MYO1B: variants seen among roughly 807,000 people sequenced by gnomAD.
MYO1B encodes the protein myosin IB, also known as unconventional myosin-Ib.
In MYO1B, 72 loss-of-function variants were observed where a neutral mutation model predicts 159.7. The ratio of observed to expected loss-of-function variants is 0.45; its 90% CI spans 0.37 to 0.55. MYO1B has a LOEUF of 0.55. MYO1B is among the 20% of genes least tolerant of loss of function. The pLI is 0.00. For missense variants in MYO1B, 1,062 were observed against 1,364.8 expected, an observed-to-expected ratio of 0.78 and a Z score of 3.50; for synonymous variants, 468 against 473.8, an observed-to-expected ratio of 0.99 and a Z score of 0.16.
chr2:191,320,443 T>C (rs1243624230), intron 3 of MYO1B, among the ~76,000 whole-genome samples: 6 of 152,162 alleles, frequency 3.9e-5, no homozygotes. Flanking sequence ...ATTTTTATTA[T>C]TTTGCCAATT....
intron 11 of MYO1B, among the ~76,000 whole-genome samples, chr2:191,369,275 C>A (rs1694211809): frequency 6.6e-6 from 1 of 152,080 alleles, no homozygotes; most frequent in Non-Finnish European, 1.5e-5. Context: ...TTTCTCTGTT[C>A]CATAAAATTG....
intron 1 of MYO1B, chr2:191,245,947 C>T (rs1012644662): frequency 2.6e-5 from 4 of 152,310 alleles, no homozygotes; most frequent in African/African-American, 9.7e-5. Context: ...CTCGGCTGTC[C>T]TCGTGTTCAC....
At chr2:191,328,634 GA>G (rs1183972609) in intron 3 of MYO1B, among the ~76,000 whole-genome samples, 9 of 152,298 alleles carry the variant, frequency 5.9e-5, no homozygotes, top group African/African-American at 1.9e-4. Context: ...ATCCTGCACT[GA>G]AGCTTCCTAT....
intron 19 of MYO1B, among the ~76,000 whole-genome samples, chr2:191,392,443 A>T (rs1351500668): frequency 6.6e-6 from 1 of 152,200 alleles, no homozygotes; most frequent in African/African-American, 2.4e-5. Flanking sequence ...CACTTAAGAA[A>T]TCACAAAGAA....
At chr2:191,347,179 G>A (rs2125974874) in intron 6 of MYO1B, among the ~76,000 whole-genome samples, 1 of 152,238 alleles carries the variant, frequency 6.6e-6, no homozygotes, top group Middle Eastern at 3.4e-3. Context: ...GATCCCGTTT[G>A]GCTCTTTCCT....
intron 1 of MYO1B, among the ~76,000 whole-genome samples, chr2:191,254,511 CT>C (rs762341201): frequency 1.9e-3 from 269 of 144,166 alleles, no homozygotes; most frequent in Middle Eastern, 7.2e-3. Flanking sequence ...CGCCCGGCCT[CT>C]TTTTTTTTTT....
chr2:191,398,915 G>A (rs1378387113), intron 21 of MYO1B, among the ~76,000 whole-genome samples: 2 of 152,212 alleles, frequency 1.3e-5, no homozygotes, highest in East Asian at 1.9e-4. Context: ...CAAGGCAGGC[G>A]GCTGGGAGGT....
intron 4 of MYO1B, among the ~76,000 whole-genome samples, chr2:191,336,694 C>T (rs1195687008): frequency 6.6e-6 from 1 of 152,144 alleles, no homozygotes; most frequent in Non-Finnish European, 1.5e-5. Flanking sequence ...TTTTGCAGCA[C>T]AGTAGACTCC....
At chr2:191,397,294 C>T (rs1232119677) in intron 21 of MYO1B, among the ~76,000 whole-genome samples, 4 of 147,910 alleles carry the variant, frequency 2.7e-5, no homozygotes, top group Non-Finnish European at 4.5e-5. Flanking sequence ...AGCAGATAAA[C>T]AAGTGAACAA....
chr2:191,361,494 G>A (rs1287940432), intron 8 of MYO1B, among the ~76,000 whole-genome samples: 1 of 151,886 alleles, frequency 6.6e-6, no homozygotes, highest in Non-Finnish European at 1.5e-5. Context: ...GAAGAGCTAT[G>A]AAAAGTCAAC....
intron 1 of MYO1B, among the ~76,000 whole-genome samples, chr2:191,255,013 G>A (rs1406953060): frequency 6.6e-6 from 1 of 151,986 alleles, no homozygotes; most frequent in Non-Finnish European, 1.5e-5. Flanking sequence ...CTGCAGGATC[G>A]AACTCCTGGG....
chr2:191,414,675 G>A lies in MYO1B; in HGVS notation c.3159+6G>A. ...TCGCCGTCCACCTCAAAGAGGTAAA[G>A]GTTCAACAGAAGATTTCTGTGCTTA... On this transcript the variant is annotated splice_donor_region_variant and intron_variant, in intron 29 of 30. Coordinates refer to ENST00000392318, the MANE Select transcript of MYO1B (RefSeq NM_001130158.3). 1 of 1,601,798 alleles carries A rather than the reference G, an allele frequency of 6.2e-7. No individual in the cohort carries two copies.
intron 4 of MYO1B, 75 bp downstream of exon 4, chr2:191,330,104 G>A: frequency 1.6e-6 from 2 of 1,276,744 alleles, no homozygotes; most frequent in South Asian, 2.6e-5. Context: ...GACCAGTAGG[G>A]CCTCCTTAGC....
chr2:191,401,794 A>C (rs147052624), intron 23 of MYO1B: 1 of 152,324 alleles, frequency 6.6e-6, no homozygotes, highest in African/African-American at 2.4e-5. Flanking sequence ...CCTCTAGTCA[A>C]CTGAGGGAAA....
chr2:191,321,350 G>A (rs1391022101), intron 3 of MYO1B, among the ~76,000 whole-genome samples: 4 of 152,078 alleles, frequency 2.6e-5, no homozygotes, highest in Non-Finnish European at 5.9e-5. Context: ...CATAAAAATC[G>A]ATCATGAAAT....
intron 13 of MYO1B, among the ~76,000 whole-genome samples, chr2:191,372,752 T>G (rs1234574081): frequency 6.6e-6 from 1 of 152,200 alleles, no homozygotes; most frequent in Non-Finnish European, 1.5e-5. Context: ...TCACTTCTGG[T>G]TAATTCAAGT....
chr2:191,400,746 C>G lies in MYO1B; in HGVS notation c.2383-3C>G. 2 of 1,613,746 alleles carry G rather than the reference C, an allele frequency of 1.2e-6. No homozygotes were observed. Among genetic ancestry groups the G allele is most frequent in the South Asian group, 1.1e-5 (1 of 90,980 alleles). ...CTGTAACTCCTTTTCAAATGCATCA[C>G]AGGCACGAAGGGAACTGAGACGGCT... On this transcript the variant is annotated splice_region_variant and splice_polypyrimidine_tract_variant and intron_variant, in intron 22 of 30. Coordinates refer to ENST00000392318, the MANE Select transcript of MYO1B (RefSeq NM_001130158.3).
At chr2:191,292,748 G>T (rs1688759514) in intron 2 of MYO1B, among the ~76,000 whole-genome samples, 1 of 152,046 alleles carries the variant, frequency 6.6e-6, no homozygotes, top group East Asian at 1.9e-4. Flanking sequence ...ATGGTTGAGG[G>T]GCCTTAGGAT....
intron 7 of MYO1B, among the ~76,000 whole-genome samples, chr2:191,355,302 C>T (rs969868439): frequency 1.3e-5 from 2 of 152,180 alleles, no homozygotes; most frequent in African/African-American, 2.4e-5. Flanking sequence ...ATCCAGCTGG[C>T]GCCCACAATC....
Sources: allele counts gnomAD v4.1 joint callset (sites outside exome capture counted in the v4.1 genomes callset), GRCh38; gene constraint gnomAD v4.1.1; transcripts MANE v1.5; gene names NCBI Gene and HGNC (gene_info 2026-07-23, HGNC 2026-07-21).